HS3ST5: variants seen among roughly 807,000 people sequenced by gnomAD.
HS3ST5 encodes the protein heparan sulfate-glucosamine 3-sulfotransferase 5, also known as heparan sulfate glucosamine 3-O-sulfotransferase 5.
In HS3ST5, 10 loss-of-function variants were observed where a neutral mutation model predicts 25.4. That is an observed-to-expected ratio of 0.39 (90% CI 0.24 to 0.67). The LOEUF is 0.67. Ranked by LOEUF, HS3ST5 falls within the 30% of genes least tolerant of loss-of-function variation. The probability of loss-of-function intolerance (pLI) is 0.44; values close to 1 mark genes in which losing one functional copy is unlikely to be tolerated. For synonymous variants in HS3ST5, 170 were observed against 162.4 expected, an observed-to-expected ratio of 1.05 and a Z score of -0.36; for missense variants, 324 against 420.7, an observed-to-expected ratio of 0.77 and a Z score of 2.01.
rs1777386175 is a variant in HS3ST5 at position 114,132,490 on chromosome 6, A to G, written c.-33+35861T>C. ...AAGAGAGCTATTCAAAATTCAGCCA[A>G]ATACCAGCAGGGCAGGCATTTTCCA... is the stretch of plus-strand genomic sequence containing the variant. On this transcript the variant is annotated intron_variant, in intron 3 of 4. Transcript: ENST00000312719. Among the ~76,000 whole-genome samples the G allele has an allele frequency of 2.0e-5, 3 of 152,202 alleles. No homozygotes were observed. In the South Asian group the frequency reaches 6.2e-4, roughly 31 times the overall value.
intron 3 of HS3ST5, among the ~76,000 whole-genome samples, chr6:114,113,838 T>C (rs1776388439): frequency 6.6e-6 from 1 of 152,078 alleles, no homozygotes. Flanking sequence ...AAGTCTTTTT[T>C]TTTTATGTGA....
chr6:114,283,110 A>C (rs903706347), intron 1 of HS3ST5, among the ~76,000 whole-genome samples: 1 of 152,000 alleles, frequency 6.6e-6, no homozygotes, highest in Non-Finnish European at 1.5e-5. Context: ...AAATAAAAGA[A>C]TACCATTTTT....
At chr6:114,256,575 G>C (rs1772935664) in intron 1 of HS3ST5, among the ~76,000 whole-genome samples, 1 of 152,056 alleles carries the variant, frequency 6.6e-6, no homozygotes, top group Admixed American at 6.6e-5. Flanking sequence ...CTAAAACATA[G>C]CAAGAGTCAC....
chr6:114,196,941 A>G (rs906801406), intron 2 of HS3ST5, among the ~76,000 whole-genome samples: 5 of 152,134 alleles, frequency 3.3e-5, no homozygotes, highest in African/African-American at 1.2e-4. Flanking sequence ...TGAAGGGTAA[A>G]GAAGTAAAGA....
chr6:114,101,475 G>A (rs1177335809), intron 3 of HS3ST5, among the ~76,000 whole-genome samples: 2 of 152,106 alleles, frequency 1.3e-5, no homozygotes, highest in Non-Finnish European at 2.9e-5. Context: ...AGGACAGAGT[G>A]CCCCTTTTGT....
intron 3 of HS3ST5, among the ~76,000 whole-genome samples, chr6:114,076,943 T>G (rs1014709625): frequency 2.6e-5 from 4 of 152,138 alleles, no homozygotes; most frequent in African/African-American, 7.2e-5. Context: ...CAGTTAACCA[T>G]GAAGGGTGAA....
intron 1 of HS3ST5, among the ~76,000 whole-genome samples, chr6:114,325,064 A>G (rs1776119782): frequency 6.6e-6 from 1 of 152,234 alleles, no homozygotes. Flanking sequence ...CTTGGTGTAG[A>G]AAGTGAACAT....
chr6:114,273,525 C>T (rs1310254487), intron 1 of HS3ST5, among the ~76,000 whole-genome samples: 2 of 151,912 alleles, frequency 1.3e-5, no homozygotes, highest in East Asian at 1.9e-4. Context: ...AAAAGACATC[C>T]AGCGTCTGAG....
At chr6:114,287,267 T>C (rs1774379670) in intron 1 of HS3ST5, among the ~76,000 whole-genome samples, 1 of 152,018 alleles carries the variant, frequency 6.6e-6, no homozygotes, top group African/African-American at 2.4e-5. Flanking sequence ...ATTATTTATA[T>C]ATATTTAATC....
intron 4 of HS3ST5, among the ~76,000 whole-genome samples, chr6:114,061,215 A>T (rs1238509042): frequency 1.3e-5 from 2 of 152,204 alleles, no homozygotes; most frequent in Non-Finnish European, 2.9e-5. Flanking sequence ...AATGATTGGA[A>T]GCTAATTAAA....
intron 1 of HS3ST5, among the ~76,000 whole-genome samples, chr6:114,234,782 G>A (rs1328210831): frequency 6.6e-6 from 1 of 152,030 alleles, no homozygotes; most frequent in South Asian, 2.1e-4. Flanking sequence ...TGACAAAATT[G>A]TGTTTATTCC....
chr6:114,194,292 C>T (rs930808266), intron 2 of HS3ST5, among the ~76,000 whole-genome samples: 4 of 152,100 alleles, frequency 2.6e-5, no homozygotes, highest in South Asian at 4.1e-4. Flanking sequence ...ATGATCACTT[C>T]GTAAATAAAA....
intron 3 of HS3ST5, among the ~76,000 whole-genome samples, chr6:114,139,029 C>A (rs1380109387): frequency 2.0e-5 from 3 of 152,142 alleles, no homozygotes; most frequent in African/African-American, 7.2e-5. Context: ...GTTAGGATTT[C>A]AACATAAAAA....
At chr6:114,307,523 G>A (rs185054692) in intron 1 of HS3ST5, among the ~76,000 whole-genome samples, 12 of 151,302 alleles carry the variant, frequency 7.9e-5, no homozygotes, top group Admixed American at 4.0e-4. Context: ...CCTTGATGTC[G>A]GTCTAAAATA....
At chr6:114,167,353 A>G (rs1779267865) in intron 3 of HS3ST5, 1 of 152,138 alleles carries the variant, frequency 6.6e-6, no homozygotes, top group South Asian at 2.1e-4. Flanking sequence ...CATTATGGAG[A>G]AAATTAAGAT....
intron 1 of HS3ST5, chr6:114,235,625 T>C (rs1317477547): frequency 6.6e-6 from 1 of 152,202 alleles, no homozygotes; most frequent in Non-Finnish European, 1.5e-5. Flanking sequence ...TTTTTTCTTC[T>C]TAAGAGGATG....
At chr6:114,325,137 G>A (rs1369885466) in intron 1 of HS3ST5, among the ~76,000 whole-genome samples, 1 of 152,214 alleles carries the variant, frequency 6.6e-6, no homozygotes, top group Non-Finnish European at 1.5e-5. Flanking sequence ...AGCATGAGCA[G>A]AGGATTTGTT....
chr6:114,201,764 TA>T (rs1468495105), intron 2 of HS3ST5, among the ~76,000 whole-genome samples: 11 of 152,126 alleles, frequency 7.2e-5, no homozygotes, highest in African/African-American at 2.7e-4. Flanking sequence ...AGGTAATTTA[TA>T]AAGGAAAGAC....
At chr6:114,304,301 T>G (rs1020908035) in intron 1 of HS3ST5, among the ~76,000 whole-genome samples, 1 of 152,102 alleles carries the variant, frequency 6.6e-6, no homozygotes, top group African/African-American at 2.4e-5. Flanking sequence ...TCAAGCATAC[T>G]AGGCACAAAC....
Sources: gnomAD v4.1 joint callset for allele counts (sites outside exome capture counted in the v4.1 genomes callset) on GRCh38, gnomAD v4.1.1 for gene constraint, MANE v1.5 for transcripts, NCBI Gene and HGNC (gene_info 2026-07-23, HGNC 2026-07-21) for gene names.